The following ERBB4 variants were observed in gnomAD, a reference collection of about 807,000 sequenced individuals.
The protein encoded by ERBB4 is erb-b2 receptor tyrosine kinase 4, also known as receptor tyrosine-protein kinase erbB-4.
Under a neutral mutation model 158.0 loss-of-function variants are expected in ERBB4, and 42 were observed. The ratio of observed to expected loss-of-function variants is 0.27; its 90% CI spans 0.21 to 0.34. The LOEUF (loss-of-function observed/expected upper bound fraction) is 0.34, where lower values mean the gene tolerates loss of function less well. ERBB4 is among the 10% of genes least tolerant of loss of function. The pLI, the probability that ERBB4 is intolerant of heterozygous loss-of-function variation, is 1.00. For synonymous variants in ERBB4, 583 were observed against 558.7 expected (o/e 1.04, Z -0.61); for missense variants, 1,333 against 1,624.1 (o/e 0.82, Z 3.08).
At position 211,752,006 on chromosome 2, in the gene ERBB4, C is replaced by A. The variant is rs549082138; in HGVS notation, c.557-1302G>T. Among the ~76,000 whole-genome samples the A allele has an allele frequency of 9.2e-5, 14 of 152,246 alleles. No individual in the cohort carries two copies. The South Asian group carries it at 2.9e-3, about 32-fold the overall frequency. On this transcript the variant is annotated intron_variant, in intron 4 of 27. Coordinates refer to ENST00000342788, the MANE Select transcript of ERBB4 (RefSeq NM_005235.3). ...AAGCAATTCTATTTGTGAAGTATTG[C>A]CGCTGACATCACCAGTGTATAATAT...
intron 1 of ERBB4, among the ~76,000 whole-genome samples, chr2:212,320,436 G>A (rs1336871854): frequency 6.8e-6 from 1 of 147,636 alleles, no homozygotes; most frequent in East Asian, 2.0e-4. Context: ...ACACTCCATA[G>A]GCAAGAGAAA....
chr2:212,373,813 ATG>A (rs2090178443), intron 1 of ERBB4, among the ~76,000 whole-genome samples: 4 of 106,984 alleles, frequency 3.7e-5, no homozygotes, highest in South Asian at 2.9e-4. Flanking sequence ...ATATATATCC[ATG>A]TATATATCCA....
At chr2:211,664,092 T>C (rs910600072) in intron 15 of ERBB4, among the ~76,000 whole-genome samples, 4 of 152,214 alleles carry the variant, frequency 2.6e-5, no homozygotes, top group African/African-American at 7.2e-5. Flanking sequence ...GGCAGAATAT[T>C]ACTTTACCTT....
At chr2:211,994,188 T>C (rs1406704538) in intron 2 of ERBB4, among the ~76,000 whole-genome samples, 2 of 152,114 alleles carry the variant, frequency 1.3e-5, no homozygotes, top group African/African-American at 4.8e-5. Context: ...TGCAATGTAG[T>C]GGCATGATCA....
intron 2 of ERBB4, among the ~76,000 whole-genome samples, chr2:212,017,630 T>A (rs2076558571): frequency 6.6e-6 from 1 of 152,128 alleles, no homozygotes. Context: ...CTTGGGCATT[T>A]TTAGGAAGAC....
chr2:212,367,882 A>G (rs1165326634), intron 1 of ERBB4, among the ~76,000 whole-genome samples: 1 of 152,144 alleles, frequency 6.6e-6, no homozygotes, highest in East Asian at 1.9e-4. Flanking sequence ...CCACAATGTG[A>G]TACCAACTTT....
intron 2 of ERBB4, among the ~76,000 whole-genome samples, chr2:212,045,542 C>T (rs1428165082): frequency 6.6e-6 from 1 of 152,110 alleles, no homozygotes; most frequent in African/African-American, 2.4e-5. Context: ...AATTGCTTTC[C>T]AAATCCCATT....
At position 212,241,278 on chromosome 2, in the gene ERBB4, TAA is replaced by T. The variant is rs67393658; in HGVS notation, c.83-116377_83-116376del. ...TCTCAAAAATAAAAAAATAAAAAAA[TAA>T]AAAAAATTTTAAAACCATTCAAACA... On this transcript the variant is annotated intron_variant, in intron 1 of 27. Transcript: ENST00000342788. Among the ~76,000 whole-genome samples the T allele has an allele frequency of 4.9e-3, 749 of 151,472 alleles. 6 individuals are homozygous for T. Among genetic ancestry groups the T allele is most frequent in the African/African-American group, 0.016 (671 of 41,286 alleles).
At chr2:211,385,765 C>T (rs2062671780) in intron 27 of ERBB4, among the ~76,000 whole-genome samples, 1 of 152,072 alleles carries the variant, frequency 6.6e-6, no homozygotes. Context: ...TATATATTGT[C>T]CTCATGCAAA....
At chr2:211,989,226 T>C (rs2082010261) in intron 2 of ERBB4, among the ~76,000 whole-genome samples, 1 of 151,980 alleles carries the variant, frequency 6.6e-6, no homozygotes, top group African/African-American at 2.4e-5. Context: ...ATCTTTACTG[T>C]GTCTTCTTGC....
At chr2:211,888,887 C>G (rs574864768) in intron 3 of ERBB4, among the ~76,000 whole-genome samples, 4 of 151,696 alleles carry the variant, frequency 2.6e-5, no homozygotes, top group Non-Finnish European at 5.9e-5. Context: ...ACACCTGGCT[C>G]GGAGGGTCCT....
chr2:212,446,995 C>CTTTTTT (rs771259936), intron 1 of ERBB4, among the ~76,000 whole-genome samples: 2 of 136,612 alleles, frequency 1.5e-5, no homozygotes, highest in Admixed American at 7.4e-5. Context: ...CCAAATTTTT[C>CTTTTTT]TTTTTTTTTT....
chr2:211,478,002 A>AACAGTC (rs1327191085), intron 20 of ERBB4, among the ~76,000 whole-genome samples: 1 of 152,150 alleles, frequency 6.6e-6, no homozygotes, highest in Non-Finnish European at 1.5e-5. Context: ...ATATTCCTTG[A>AACAGTC]ACAGTCCAAG....
intron 16 of ERBB4, among the ~76,000 whole-genome samples, chr2:211,647,752 T>C (rs2070827916): frequency 6.6e-6 from 1 of 151,762 alleles, no homozygotes; most frequent in African/African-American, 2.4e-5. Flanking sequence ...TAGCCAGCCA[T>C]TCACATTGAT....
At chr2:211,918,203 T>C (rs2079754208) in intron 3 of ERBB4, among the ~76,000 whole-genome samples, 1 of 152,212 alleles carries the variant, frequency 6.6e-6, no homozygotes, top group Non-Finnish European at 1.5e-5. Flanking sequence ...TATTTAGTAG[T>C]TCCTGTAAAA....
Position 211,897,908 on chromosome 2 carries a change from A to T in ERBB4, c.421+49522T>A, listed in dbSNP as rs2079140707. On this transcript the variant is annotated intron_variant, in intron 3 of 27. Transcript: ENST00000342788. ...AGTAGCTGGGACTACAGGCACACAC[A>T]ACAGTGCCCGGTTAATATTTAAATT... 2.6e-5 allele frequency among the ~76,000 whole-genome samples: 4 copies of T among 151,790 alleles called. No homozygotes were observed. In the South Asian group the frequency reaches 8.3e-4, roughly 32 times the overall value.
chr2:211,779,237 C>T (rs191162551), intron 4 of ERBB4: 117 of 152,248 alleles, frequency 7.7e-4, no homozygotes, highest in African/African-American at 2.5e-3. Context: ...AATGATTTCC[C>T]GCAACATTCT....
chr2:212,279,123 G>T (rs2085656662), intron 1 of ERBB4, among the ~76,000 whole-genome samples: 1 of 151,410 alleles, frequency 6.6e-6, no homozygotes, highest in Non-Finnish European at 1.5e-5. Context: ...AATAAATATT[G>T]TATAAATAAT....
chr2:212,206,589 C>CTTTTTTTTTTTTTTTTTTTTT lies in ERBB4; in HGVS notation c.83-81687_83-81686insAAAAAAAAAAAAAAAAAAAAA, dbSNP rs5838309. On this transcript the variant is annotated intron_variant, in intron 1 of 27. Coordinates refer to ENST00000342788, the MANE Select transcript of ERBB4 (RefSeq NM_005235.3). The stretch of plus-strand genomic sequence containing the variant: ...ATGAACTGTCTCCGTCTGTTCTGTT[C>CTTTTTTTTTTTTTTTTTTTTT]TTTTTTTTTTTTTTTTGAGACGGAG... 6.0e-4 allele frequency among the ~76,000 whole-genome samples: 70 copies of CTTTTTTTTTTTTTTTTTTTTT among 116,418 alleles called. 10 individuals carry two copies. Among genetic ancestry groups the CTTTTTTTTTTTTTTTTTTTTT allele is most frequent in the African/African-American group, 2.2e-3 (60 of 27,670 alleles). The allele number at this position is 116,418 out of a possible 152,430, so 76.4% of individuals were successfully genotyped here.
Sources: allele counts gnomAD v4.1 joint callset (sites outside exome capture counted in the v4.1 genomes callset), GRCh38; gene constraint gnomAD v4.1.1; transcripts MANE v1.5; gene names NCBI Gene and HGNC (gene_info 2026-07-23, HGNC 2026-07-21).